Variants in LCP1 observed in about 807,000 individuals in gnomAD.
LCP1 encodes the protein plastin-2.
LCP1 carries 23 observed loss-of-function variants against 72.0 expected under a neutral mutation model. The ratio of observed to expected loss-of-function variants is 0.32; its 90% confidence interval spans 0.23 to 0.45. The LOEUF (loss-of-function observed/expected upper bound fraction) is 0.45, where lower values mean the gene tolerates loss of function less well. Ranked by LOEUF, LCP1 falls within the 20% of genes least tolerant of loss-of-function variation. The pLI, the probability that LCP1 is intolerant of heterozygous loss-of-function variation, is 1.00. For synonymous variants in LCP1, 245 were observed against 275.4 expected (o/e 0.89, Z 1.09); for missense variants, 571 against 748.3 (o/e 0.76, Z 2.76).
At chr13:46,128,397 G>C (rs2045613183) in intron 15 of LCP1, among the ~76,000 whole-genome samples, 1 of 152,154 alleles carries the variant, frequency 6.6e-6, no homozygotes, top group Non-Finnish European at 1.5e-5. Flanking sequence ...AGGAGATCGA[G>C]ACCATCCTGG....
At chr13:46,163,498 C>T (rs561714665) in intron 1 of LCP1, among the ~76,000 whole-genome samples, 8 of 152,156 alleles carry the variant, frequency 5.3e-5, no homozygotes, top group East Asian at 3.9e-4. Flanking sequence ...ACAAACACTG[C>T]GGAAGGCCGC....
At chr13:46,162,105 G>T (rs2045841899) in intron 1 of LCP1, among the ~76,000 whole-genome samples, 1 of 152,118 alleles carries the variant, frequency 6.6e-6, no homozygotes, top group Non-Finnish European at 1.5e-5. Flanking sequence ...AAATCACTCA[G>T]CTGGGTGGAG....
chr13:46,157,272 A>T (rs1373936298), intron 4 of LCP1, among the ~76,000 whole-genome samples: 2 of 151,992 alleles, frequency 1.3e-5, no homozygotes, highest in African/African-American at 4.8e-5. Context: ...ATATATACAC[A>T]TATAAATACA....
At chr13:46,155,652 C>T (rs1219684560) in intron 5 of LCP1, among the ~76,000 whole-genome samples, 2 of 152,194 alleles carry the variant, frequency 1.3e-5, no homozygotes, top group Admixed American at 6.5e-5. Flanking sequence ...ACTTCACTTA[C>T]AACTTGGCCT....
intron 1 of LCP1, among the ~76,000 whole-genome samples, chr13:46,180,250 G>A (rs530111338): frequency 2.6e-4 from 40 of 152,276 alleles, no homozygotes; most frequent in Non-Finnish European, 4.7e-4. Context: ...TAGCTGAGAG[G>A]ATTAAACGAG....
At chr13:46,155,382 T>G (rs1277824020) in intron 5 of LCP1, among the ~76,000 whole-genome samples, 1 of 152,172 alleles carries the variant, frequency 6.6e-6, no homozygotes, top group Admixed American at 6.5e-5. Flanking sequence ...TGAGTACCAA[T>G]GAGTCACAGG....
chr13:46,179,470 T>G (rs2045946612), intron 1 of LCP1, among the ~76,000 whole-genome samples: 2 of 152,110 alleles, frequency 1.3e-5, no homozygotes, highest in South Asian at 2.1e-4. Flanking sequence ...TGTCAGCAAA[T>G]AAGTACTTGA....
chr13:46,163,646 A>C (rs563490610), intron 1 of LCP1, among the ~76,000 whole-genome samples: 14 of 152,048 alleles, frequency 9.2e-5, no homozygotes, highest in South Asian at 6.3e-4. Context: ...AAAAAAAAAA[A>C]AAAAAACAAT....
chr13:46,139,459 T>C (rs146800808), intron 13 of LCP1, among the ~76,000 whole-genome samples: 26 of 152,384 alleles, frequency 1.7e-4, no homozygotes, highest in Admixed American at 5.2e-4. Flanking sequence ...GAACTAAAGC[T>C]GCAGTGCCTA....
At chr13:46,143,107 C>CA (rs2045708078) in intron 12 of LCP1, among the ~76,000 whole-genome samples, 183 bp downstream of exon 12, 2 of 152,186 alleles carry the variant, frequency 1.3e-5, no homozygotes, top group South Asian at 4.1e-4. Flanking sequence ...TATAAATAAG[C>CA]AATTGACTGA....
rs757902988 is a variant in LCP1, at chr13:46,142,357, A to G, written c.1437T>C (p.Gly479=). The change falls in exon 13 of 16, where the codon GGT becomes GGC. Residue 479 remains glycine (G), a synonymous_variant. Transcript: ENST00000323076. ...NQAKFSLVGI[G]GQDLNEGNRT... ...GGTTTCCTTCATTGAGATCTTGTCCACCGATGCCAACCAGGGAGAACTTCG... is the reference window on the plus strand; with the variant it reads ...GGTTTCCTTCATTGAGATCTTGTCCGCCGATGCCAACCAGGGAGAACTTCG... 3 of 1,614,056 alleles carry G rather than the reference A, an allele frequency of 1.9e-6. No individual in the cohort carries two copies. The South Asian group carries it at 3.3e-5, about 18-fold the overall frequency.
intron 11 of LCP1, among the ~76,000 whole-genome samples, chr13:46,144,065 C>CA (rs1037286702): frequency 7.0e-4 from 102 of 144,902 alleles, no homozygotes; most frequent in African/African-American, 2.1e-3. Flanking sequence ...GACTCCATCT[C>CA]AAAAAAAAAG....
intron 7 of LCP1, among the ~76,000 whole-genome samples, chr13:46,152,039 A>G (rs1410847981): frequency 6.6e-6 from 1 of 152,234 alleles, no homozygotes; most frequent in African/African-American, 2.4e-5. Flanking sequence ...TCTAGCCTGC[A>G]TAGATTTAAG....
intron 14 of LCP1, 99 bp downstream of exon 14, chr13:46,134,028 T>A (rs2045649278): frequency 8.1e-7 from 1 of 1,239,834 alleles, no homozygotes. Context: ...AGGGGGAGCC[T>A]CTAATACCTA....
At chr13:46,141,405 C>CAAA (rs762462829) in intron 13 of LCP1, among the ~76,000 whole-genome samples, 1,728 of 51,920 alleles carry the variant, frequency 0.033, 133 homozygotes, top group East Asian at 0.11. Context: ...GACTCTGTCT[C>CAAA]AAAAAAAAAA....
rs1468353568 is a variant in LCP1 at position 46,158,813 on chromosome 13, G to T, written c.228+13C>A. On this transcript the variant is annotated intron_variant, in intron 3 of 15. Coordinates refer to ENST00000323076, the MANE Select transcript of LCP1 (RefSeq NM_002298.5). ...TTTCAAATGTGTCTCCTTGTATTCT[G>T]CATGGTACTCACCTTGATAAACTCA... 2 of 1,613,626 alleles carry T rather than the reference G, an allele frequency of 1.2e-6. No homozygotes were observed. The highest frequency in any genetic ancestry group is 2.2e-5 in the South Asian group (2 of 91,064).
At chr13:46,163,350 T>C (rs1405424621) in intron 1 of LCP1, among the ~76,000 whole-genome samples, 1 of 152,188 alleles carries the variant, frequency 6.6e-6, no homozygotes, top group African/African-American at 2.4e-5. Flanking sequence ...AACCCCGTGC[T>C]CTCTGAAACA....
intron 1 of LCP1, among the ~76,000 whole-genome samples, chr13:46,181,347 A>G: frequency 6.6e-6 from 1 of 152,234 alleles, no homozygotes. Context: ...TAAATATCCC[A>G]TATCAACTGT....
At chr13:46,175,240 G>T (rs879922424) in intron 1 of LCP1, among the ~76,000 whole-genome samples, 1 of 152,172 alleles carries the variant, frequency 6.6e-6, no homozygotes, top group South Asian at 2.1e-4. Flanking sequence ...CAGTGGTGAC[G>T]CTGGGTGGAG....
Sources: allele counts gnomAD v4.1 joint callset (sites outside exome capture counted in the v4.1 genomes callset), GRCh38; gene constraint gnomAD v4.1.1; transcripts MANE v1.5; gene names NCBI Gene and HGNC (gene_info 2026-07-23, HGNC 2026-07-21).